NR3C2: variants seen among roughly 807,000 people sequenced by gnomAD.
The protein encoded by NR3C2 is mineralocorticoid receptor.
Under a neutral mutation model 86.4 loss-of-function variants are expected in NR3C2, and 15 were observed. The observed-to-expected ratio is 0.17, with a 90% CI of 0.12 to 0.27. The LOEUF is 0.27. Ranked by LOEUF, NR3C2 falls within the 10% of genes least tolerant of loss-of-function variation. The pLI is 1.00. For synonymous variants in NR3C2, 458 were observed against 450.5 expected (o/e 1.02, Z -0.21); for missense variants, 960 against 1,195.6 (o/e 0.80, Z 2.91).
chr4:148,132,424 A>G (rs1271250929), intron 6 of NR3C2, among the ~76,000 whole-genome samples: 2 of 152,186 alleles, frequency 1.3e-5, no homozygotes, highest in Non-Finnish European at 2.9e-5. Context: ...ACTATAGGAG[A>G]TTAAAAAGGA....
intron 2 of NR3C2, among the ~76,000 whole-genome samples, chr4:148,310,400 T>G (rs943272687): frequency 6.6e-6 from 1 of 152,222 alleles, no homozygotes; most frequent in African/African-American, 2.4e-5. Flanking sequence ...GAACCTTTAG[T>G]ACTGCCTAGA....
chr4:148,082,858 AC>A (rs1730640795), intron 8 of NR3C2, among the ~76,000 whole-genome samples: 1 of 151,752 alleles, frequency 6.6e-6, no homozygotes, highest in African/African-American at 2.4e-5. Flanking sequence ...TCTGAAGTCG[AC>A]CCGGGATGCT....
At chr4:148,115,265 C>T (rs756787682) in intron 7 of NR3C2, among the ~76,000 whole-genome samples, 23 of 152,150 alleles carry the variant, frequency 1.5e-4, no homozygotes, top group Non-Finnish European at 2.8e-4. Flanking sequence ...TTCTGTGACC[C>T]GCTGAGAAGC....
At chr4:148,083,989 AAACG>A (rs1730697747) in intron 8 of NR3C2, among the ~76,000 whole-genome samples, 2 of 152,234 alleles carry the variant, frequency 1.3e-5, no homozygotes, top group African/African-American at 4.8e-5. Context: ...AGTGAAAAAG[AAACG>A]AACAAAGCCT....
intron 6 of NR3C2, among the ~76,000 whole-genome samples, chr4:148,144,531 A>C (rs544338829): frequency 1.3e-5 from 2 of 152,316 alleles, no homozygotes; most frequent in East Asian, 1.9e-4. Context: ...TCTTACCACT[A>C]TGATAGATTG....
intron 7 of NR3C2, among the ~76,000 whole-genome samples, chr4:148,117,770 C>T (rs1055940339): frequency 5.3e-5 from 8 of 152,144 alleles, no homozygotes; most frequent in African/African-American, 1.2e-4. Context: ...GCTCTTCATA[C>T]GCATTCGGAA....
In NR3C2 at chr4:148,435,804, T is replaced by C. The variant is rs556654855; in HGVS notation, c.1057A>G (p.Ser353Gly). The change falls in exon 2 of 9, where the codon AGT (serine) becomes GGT (glycine). Residue 353 changes from serine (S) to glycine (G), a missense_variant. Transcript: ENST00000358102. ...YTASGTSAGS[S>G]TLRDVVPSPD... ...CTGGGAACCACATCCCGCAATGTAC[T>C]GGATCCAGCAGAGGTGCCAGAAGCA... is the stretch of plus-strand genomic sequence containing the variant. 1 of 1,614,170 alleles carries C rather than the reference T, an allele frequency of 6.2e-7. No individual in the cohort carries two copies. Among genetic ancestry groups the C allele is most frequent in the African/African-American group, 1.3e-5 (1 of 75,038 alleles).
intron 3 of NR3C2, among the ~76,000 whole-genome samples, chr4:148,198,937 G>A (rs1046001009): frequency 4.0e-5 from 6 of 151,610 alleles, no homozygotes; most frequent in African/African-American, 1.5e-4. Context: ...AAAATTAGCC[G>A]GGCATGGTGG....
intron 4 of NR3C2, among the ~76,000 whole-genome samples, chr4:148,162,453 G>T (rs1377699322): frequency 6.6e-6 from 1 of 152,086 alleles, no homozygotes; most frequent in African/African-American, 2.4e-5. Context: ...CACACAGAAG[G>T]GGTTTTCAAG....
chr4:148,317,650 CAGTTTT>C (rs1266872575), intron 2 of NR3C2, among the ~76,000 whole-genome samples: 2 of 151,972 alleles, frequency 1.3e-5, no homozygotes, highest in African/African-American at 4.8e-5. Flanking sequence ...AGATGATGTT[CAGTTTT>C]AATTTTCCTT....
At chr4:148,119,201 C>T (rs752434937) in intron 7 of NR3C2, among the ~76,000 whole-genome samples, 6 of 152,174 alleles carry the variant, frequency 3.9e-5, no homozygotes, top group Non-Finnish European at 8.8e-5. Context: ...TAACTTGATG[C>T]ACCTTTAAAA....
At chr4:148,443,966 C>G (rs1227579499), upstream of NR3C2, 4 of 982,658 alleles carry the variant, frequency 4.1e-6, no homozygotes, top group Non-Finnish European at 4.8e-6. Context: ...ACCCCAGACT[C>G]TAATGCCCCT....
chr4:148,198,749 T>C (rs1247478268), intron 3 of NR3C2, among the ~76,000 whole-genome samples: 5 of 145,896 alleles, frequency 3.4e-5, no homozygotes, highest in Non-Finnish European at 7.6e-5. Context: ...AAAAAGGTGG[T>C]AGAGGTGGTA....
Position 148,436,689 on chromosome 4 carries a change from T to G in NR3C2, c.172A>C (p.Asn58His). 1 of 1,614,178 alleles carries G rather than the reference T, an allele frequency of 6.2e-7. No homozygotes were observed. The highest frequency in any genetic ancestry group is 8.5e-7 in the Non-Finnish European group (1 of 1,180,024). ...TCTTTGCTGCTTCCTTGAGTACTGTTGTTTGGAATAGCACCGGAAACACAG... is the reference window on the plus strand; with the variant it reads ...TCTTTGCTGCTTCCTTGAGTACTGTGGTTTGGAATAGCACCGGAAACACAG... ...VSCVSGAIPN[N>H]STQGSSKEKQ... is the part of the protein sequence containing the mutation. The change falls in exon 2 of 9, where the codon AAC (asparagine) becomes CAC (histidine). Residue 58 changes from asparagine (N) to histidine (H), a missense_variant. Asn to His is a moderately conservative substitution (Grantham distance 68). Transcript: ENST00000358102.
intron 6 of NR3C2, among the ~76,000 whole-genome samples, chr4:148,132,570 G>A (rs1228918866): frequency 3.3e-5 from 5 of 152,126 alleles, no homozygotes; most frequent in African/African-American, 9.7e-5. Flanking sequence ...AAATATCACT[G>A]GATATTTTAA....
At chr4:148,416,155 C>T (rs1221365552) in intron 2 of NR3C2, among the ~76,000 whole-genome samples, 1 of 152,074 alleles carries the variant, frequency 6.6e-6, no homozygotes, top group Non-Finnish European at 1.5e-5. Context: ...TTTGGCTAAT[C>T]GCCAATTCAC....
chr4:148,444,884 G>A (rs1750509127), upstream of NR3C2: 1 of 984,938 alleles, frequency 1.0e-6, no homozygotes, highest in East Asian at 1.1e-4. Flanking sequence ...GGAGGATCCC[G>A]CGCCCGCCGC....
intron 2 of NR3C2, among the ~76,000 whole-genome samples, chr4:148,324,505 G>A (rs1394459783): frequency 6.6e-6 from 1 of 152,130 alleles, no homozygotes; most frequent in Non-Finnish European, 1.5e-5. Context: ...GAGAGTAGAA[G>A]AGTGGTTGGC....
chr4:148,202,108 A>G (rs1736752242), intron 3 of NR3C2, among the ~76,000 whole-genome samples: 1 of 152,240 alleles, frequency 6.6e-6, no homozygotes, highest in African/African-American at 2.4e-5. Flanking sequence ...CACATTGGGA[A>G]CATAGCCTTT....
Sources: allele counts gnomAD v4.1 joint callset (sites outside exome capture counted in the v4.1 genomes callset), GRCh38; gene constraint gnomAD v4.1.1; transcripts MANE v1.5; gene names NCBI Gene and HGNC (gene_info 2026-07-23, HGNC 2026-07-21).